RANBP17: variants seen among roughly 807,000 people sequenced by gnomAD.
RANBP17 encodes the protein RAN binding protein 17.
Under a neutral mutation model 141.2 loss-of-function variants are expected in RANBP17, and 158 were observed. The ratio of observed to expected loss-of-function variants is 1.12; its 90% CI spans 0.98 to 1.28. The LOEUF is 1.28. Among genes scored for constraint, RANBP17 ranks in the 50% most tolerant of loss-of-function variants. The probability of loss-of-function intolerance (pLI) is 0.00; values close to 1 mark genes in which losing one functional copy is unlikely to be tolerated. For synonymous variants in RANBP17, 430 were observed against 450.0 expected (o/e 0.96, Z 0.56); for missense variants, 1,438 against 1,290.7 (o/e 1.11, Z -1.75).
intron 18 of RANBP17, among the ~76,000 whole-genome samples, chr5:171,196,398 A>G (rs1449304549): frequency 6.6e-6 from 1 of 152,170 alleles, no homozygotes; most frequent in African/African-American, 2.4e-5. Flanking sequence ...AAGTTTTTTT[A>G]TCTGTCGCTC....
intron 3 of RANBP17, among the ~76,000 whole-genome samples, chr5:170,884,610 G>A (rs1418885575): frequency 6.6e-6 from 1 of 151,972 alleles, no homozygotes; most frequent in Admixed American, 6.6e-5. Flanking sequence ...GGCAGAGGAG[G>A]CAGGAAAGGC....
At chr5:170,953,779 T>A in intron 13 of RANBP17, 77 bp downstream of exon 13, 1 of 925,090 alleles carries the variant, frequency 1.1e-6, no homozygotes, top group Non-Finnish European at 1.7e-6. Context: ...GTATTATGAG[T>A]GAAGACATTT....
At chr5:171,219,735 C>T (rs1763435987) in intron 21 of RANBP17, among the ~76,000 whole-genome samples, 1 of 151,914 alleles carries the variant, frequency 6.6e-6, no homozygotes, top group Admixed American at 6.6e-5. Context: ...TGTTTTTCAG[C>T]TCCATCAGGT....
chr5:171,252,770 A>G, intron 24 of RANBP17: 2 of 1,312,390 alleles, frequency 1.5e-6, no homozygotes, highest in Non-Finnish European at 2.2e-6. Context: ...GCTTCATATG[A>G]AAGTGTGGAG....
At chr5:171,006,485 CTA>C (rs1040274242) in intron 14 of RANBP17, among the ~76,000 whole-genome samples, 10 of 152,062 alleles carry the variant, frequency 6.6e-5, no homozygotes, top group Non-Finnish European at 1.3e-4. Context: ...TCTCAGCAAA[CTA>C]TCGCAAGGAC....
intron 16 of RANBP17, among the ~76,000 whole-genome samples, chr5:171,181,636 T>C (rs760265535): frequency 6.6e-6 from 1 of 152,250 alleles, no homozygotes; most frequent in Non-Finnish European, 1.5e-5. Context: ...ATGCTTCATA[T>C]GCAACTGGAA....
chr5:171,117,913 T>G (rs1755761501), intron 14 of RANBP17, among the ~76,000 whole-genome samples: 2 of 152,052 alleles, frequency 1.3e-5, no homozygotes, highest in African/African-American at 4.8e-5. Context: ...TATTAATCCC[T>G]TGCCAATTAA....
At chr5:170,933,830 C>T (rs1284000693) in intron 12 of RANBP17, among the ~76,000 whole-genome samples, 1 of 152,098 alleles carries the variant, frequency 6.6e-6, no homozygotes, top group Non-Finnish European at 1.5e-5. Flanking sequence ...TGCTTTACTT[C>T]CAACTATGTG....
chr5:170,907,810 G>A (rs1309092593), intron 5 of RANBP17, among the ~76,000 whole-genome samples: 1 of 151,854 alleles, frequency 6.6e-6, no homozygotes, highest in East Asian at 1.9e-4. Flanking sequence ...TTTATATATT[G>A]AGGAAAGTGT....
intron 24 of RANBP17, among the ~76,000 whole-genome samples, chr5:171,259,823 G>C (rs1325180744): frequency 1.4e-5 from 2 of 147,094 alleles, no homozygotes; most frequent in Non-Finnish European, 3.0e-5. Context: ...TCTACTAAAA[G>C]TACAGAAATT....
At chr5:170,943,046 A>AC (rs1308529553) in intron 12 of RANBP17, among the ~76,000 whole-genome samples, 1 of 152,140 alleles carries the variant, frequency 6.6e-6, no homozygotes, top group Non-Finnish European at 1.5e-5. Flanking sequence ...TACTTAGAAA[A>AC]TTTTTAATAG....
chr5:170,892,506 C>T lies in RANBP17; in HGVS notation c.376C>T (p.Gln126Ter), dbSNP rs760064184. 6 of 1,613,602 alleles carry T rather than the reference C, an allele frequency of 3.7e-6. No homozygotes were observed. The highest frequency in any genetic ancestry group is 1.7e-5 in the Admixed American group (1 of 59,944). The change falls in exon 4 of 28, where the codon CAA (glutamine) becomes TAA (stop). Residue 126 changes from glutamine to a stop codon, truncating the protein, a stop_gained. Transcript: ENST00000523189. LOFTEE classifies it high-confidence loss of function. ...KLGWFEVQKDQFVFREIIADV... is the reference protein window; with the variant it reads ...KLGWFEVQKD ...GGGGTGGTTTGAGGTTCAGAAAGAC[C>T]AATTTGTCTTCAGAGAAATTATTGC...
At chr5:171,047,665 C>T (rs1782684812) in intron 14 of RANBP17, among the ~76,000 whole-genome samples, 1 of 152,090 alleles carries the variant, frequency 6.6e-6, no homozygotes, top group Non-Finnish European at 1.5e-5. Context: ...GTCTTCAACT[C>T]CTGACCTCAT....
chr5:171,049,745 T>G (rs1431153546), intron 14 of RANBP17, among the ~76,000 whole-genome samples: 1 of 152,214 alleles, frequency 6.6e-6, no homozygotes, highest in Non-Finnish European at 1.5e-5. Flanking sequence ...TCATTGCTTG[T>G]TTTTGTTCAC....
At position 171,296,571 on chromosome 5, in the gene RANBP17, A is replaced by C. The variant is rs117716254; in HGVS notation, c.3170+557A>C. On this transcript the variant is annotated intron_variant, in intron 27 of 27. Coordinates refer to ENST00000523189, the MANE Select transcript of RANBP17 (RefSeq NM_022897.5). The stretch of plus-strand genomic sequence containing the variant: ...CATTACACATTCTGTGCATATAACA[A>C]AATATTGCATGTACCCCATAATGAT... Among the ~76,000 whole-genome samples, 60 of 152,342 alleles carry C rather than the reference A, an allele frequency of 3.9e-4. No individual in the cohort carries two copies. In the East Asian group the frequency reaches 8.3e-3, roughly 21 times the overall value.
intron 14 of RANBP17, among the ~76,000 whole-genome samples, chr5:171,019,907 A>G (rs536170977): frequency 1.6e-4 from 25 of 152,280 alleles, no homozygotes; most frequent in African/African-American, 6.0e-4. Context: ...TGATATGGGC[A>G]TTTAGTGCTA....
intron 14 of RANBP17, among the ~76,000 whole-genome samples, chr5:171,016,681 T>C (rs1313801645): frequency 6.6e-6 from 1 of 152,136 alleles, no homozygotes; most frequent in East Asian, 1.9e-4. Flanking sequence ...TTTTTGAGTA[T>C]TTTTTACTAT....
In RANBP17 at chr5:171,243,151, C is replaced by A. The variant is rs1764994599; in HGVS notation, c.2776+331C>A. On this transcript the variant is annotated intron_variant, in intron 24 of 27. Transcript: ENST00000523189. ...CCAATATGTAGCACATTTTTATCAC[C>A]ACAAAAAGCTCCTTTTTTTCCTCCT... The A allele has an allele frequency of 6.3e-5, 13 of 204,826 alleles. No individual in the cohort carries two copies. The South Asian group carries it at 1.5e-3, about 23-fold the overall frequency. 12.7% of individuals were successfully genotyped at this position (204,826 alleles called of 1,614,324 possible).
intron 14 of RANBP17, among the ~76,000 whole-genome samples, chr5:171,031,185 T>C (rs1196911033): frequency 6.6e-6 from 1 of 152,006 alleles, no homozygotes; most frequent in Non-Finnish European, 1.5e-5. Flanking sequence ...ATATGTAGAT[T>C]TAGATTATCT....
Sources: allele counts gnomAD v4.1 joint callset (sites outside exome capture counted in the v4.1 genomes callset), GRCh38; gene constraint gnomAD v4.1.1; transcripts MANE v1.5; gene names NCBI Gene and HGNC (gene_info 2026-07-23, HGNC 2026-07-21).